Variants in TIMP2 observed in about 807,000 individuals in gnomAD.
The protein encoded by TIMP2 is metalloproteinase inhibitor 2.
A neutral mutation model predicts 24.3 loss-of-function variants in TIMP2; 5 were observed. The ratio of observed to expected loss-of-function variants is 0.21; its 90% CI spans 0.11 to 0.43. TIMP2 has a LOEUF of 0.43. Ranked by LOEUF, TIMP2 falls within the 20% of genes least tolerant of loss-of-function variation. The pLI, the probability that TIMP2 is intolerant of heterozygous loss-of-function variation, is 1.00. For synonymous variants in TIMP2, 130 were observed against 123.2 expected (o/e 1.06, Z -0.37); for missense variants, 221 against 297.5 (o/e 0.74, Z 1.89).
chr17:78,874,581 G>T (rs551877653), intron 1 of TIMP2, among the ~76,000 whole-genome samples: 2 of 152,066 alleles, frequency 1.3e-5, no homozygotes, highest in African/African-American at 2.4e-5. Flanking sequence ...AGTAATTTTT[G>T]TTGTTGTTGT....
chr17:78,867,547 T>C (rs2069627650), intron 3 of TIMP2, among the ~76,000 whole-genome samples: 2 of 151,754 alleles, frequency 1.3e-5, no homozygotes, highest in African/African-American at 4.8e-5. Flanking sequence ...GCAGCAAGTC[T>C]GTCTAGACCC....
Position 78,857,624 on chromosome 17 carries a change from C to G in TIMP2, c.363G>C (p.Lys121Asn). The G allele has an allele frequency of 1.2e-6, 2 of 1,614,208 alleles. No homozygotes were observed. Among genetic ancestry groups the G allele is most frequent in the Non-Finnish European group, 1.7e-6 (2 of 1,180,036 alleles). Residue 121 changes from lysine (K) to asparagine (N), a missense_variant, in exon 4 of 5, where the codon AAG becomes AAC. By Grantham distance (94) the Lys-to-Asn change is moderately conservative. Coordinates refer to ENST00000262768, the MANE Select transcript of TIMP2 (RefSeq NM_003255.5). ...TGAAGTCACAGAGGGTGATGTGCAT[C>G]TTGCCGTCCCCCTCGGCCTTTCCTG... ...LIAGKAEGDG[K>N]MHITLCDFIV...
At chr17:78,899,618 T>TGG (rs2070058581) in intron 1 of TIMP2, 1 of 152,178 alleles carries the variant, frequency 6.6e-6, no homozygotes, top group Non-Finnish European at 1.5e-5. Flanking sequence ...CTGGCTCCCC[T>TGG]GGGAGCCACC....
chr17:78,912,010 G>A (rs1568007658), intron 1 of TIMP2, among the ~76,000 whole-genome samples: 3 of 151,460 alleles, frequency 2.0e-5, no homozygotes, highest in Non-Finnish European at 4.4e-5. Flanking sequence ...GATGCAGTGA[G>A]CCAAGATTGT....
intron 1 of TIMP2, among the ~76,000 whole-genome samples, chr17:78,880,468 C>T (rs963995572): frequency 1.3e-5 from 2 of 152,068 alleles, no homozygotes; most frequent in African/African-American, 4.8e-5. Flanking sequence ...GGATGGGTTG[C>T]TTGAAGCTAG....
rs1302501313 is a variant in TIMP2 at position 78,920,571 on chromosome 17, C to G, written c.130+4388G>C. 6.6e-6 allele frequency among the ~76,000 whole-genome samples: 1 copy of G among 152,198 alleles called. No individual in the cohort carries two copies. Among genetic ancestry groups the G allele is most frequent in the African/African-American group, 2.4e-5 (1 of 41,456 alleles). On this transcript the variant is annotated intron_variant, in intron 1 of 4. Transcript: ENST00000262768. This position sits in a 1 kb window ranked among gnomAD's most constrained non-coding sequence, Gnocchi z 4.5. ...GACTCCCCTGACAGATCCTGTCCCTCCAAGGACGCTGTTCAAAACCAAGCC... is the reference window on the plus strand; with the variant it reads ...GACTCCCCTGACAGATCCTGTCCCTGCAAGGACGCTGTTCAAAACCAAGCC...
At chr17:78,887,446 A>T (rs1465143691) in intron 1 of TIMP2, among the ~76,000 whole-genome samples, 1 of 152,080 alleles carries the variant, frequency 6.6e-6, no homozygotes, top group Non-Finnish European at 1.5e-5. Flanking sequence ...GTGCAGTGGC[A>T]TGATCTCAGC....
chr17:78,857,650 C>T lies in TIMP2; in HGVS notation c.341-4G>A, dbSNP rs753918073. On this transcript the variant is annotated splice_region_variant and splice_polypyrimidine_tract_variant and intron_variant, in intron 3 of 4. Transcript: ENST00000262768. ...TTGCCGTCCCCCTCGGCCTTTCCTG[C>T]GGAGAGACGGGGATCACCGAGCTCA... is the stretch of plus-strand genomic sequence containing the variant. 3.5e-5 allele frequency: 57 copies of T among 1,613,990 alleles called. No individual in the cohort carries two copies. The highest frequency in any genetic ancestry group is 6.7e-5 in the East Asian group (3 of 44,888).
rs1428757661 is a variant in TIMP2, at chr17:78,893,580, GGT to G, written c.131-19663_131-19662del. ...ATCTGTGTGTACAGGGGGGTGTACA[GGT>G]GTGTGTATGTATGCATGTCTGTGTG... On this transcript the variant is annotated intron_variant, in intron 1 of 4. Coordinates refer to ENST00000262768, the MANE Select transcript of TIMP2 (RefSeq NM_003255.5). 2.6e-5 allele frequency among the ~76,000 whole-genome samples: 4 copies of G among 152,022 alleles called. No individual in the cohort carries two copies. The East Asian group carries it at 7.8e-4, about 29-fold the overall frequency.
At chr17:78,860,062 G>C (rs578008140) in intron 3 of TIMP2, among the ~76,000 whole-genome samples, 2 of 152,216 alleles carry the variant, frequency 1.3e-5, no homozygotes, top group Non-Finnish European at 2.9e-5. Context: ...TGTAGTCCCA[G>C]CTACTCAGGA....
intron 2 of TIMP2, among the ~76,000 whole-genome samples, 198 bp from the exon 3 acceptor site, chr17:78,871,204 C>A (rs1026027381): frequency 6.6e-6 from 1 of 152,134 alleles, no homozygotes; most frequent in African/African-American, 2.4e-5. Flanking sequence ...GTAGTCCCAG[C>A]ACTTTGGGAG....
intron 1 of TIMP2, among the ~76,000 whole-genome samples, chr17:78,878,722 A>G (rs2069751963): frequency 6.8e-6 from 1 of 146,386 alleles, no homozygotes; most frequent in African/African-American, 2.6e-5. Flanking sequence ...CCTGCAGGGA[A>G]GTGGGGGTGA....
At chr17:78,894,672 G>A (rs1599163920) in intron 1 of TIMP2, among the ~76,000 whole-genome samples, 1 of 152,222 alleles carries the variant, frequency 6.6e-6, no homozygotes. Flanking sequence ...ATGGATCATA[G>A]ACCTTCATCT....
At chr17:78,901,874 A>AGGGCT (rs1319773493) in intron 1 of TIMP2, 2 of 678,896 alleles carry the variant, frequency 2.9e-6, no homozygotes, top group East Asian at 5.5e-5. Flanking sequence ...CACTGTCTCC[A>AGGGCT]GGGCTGTCTT....
intron 1 of TIMP2, among the ~76,000 whole-genome samples, chr17:78,915,493 C>T (rs2070248554): frequency 6.7e-6 from 1 of 150,238 alleles, no homozygotes; most frequent in African/African-American, 2.5e-5. Flanking sequence ...GATGTACCTC[C>T]TTTTAAAAGC....
At chr17:78,911,526 C>G (rs1045020902) in intron 1 of TIMP2, among the ~76,000 whole-genome samples, 14 of 152,100 alleles carry the variant, frequency 9.2e-5, no homozygotes, top group Admixed American at 8.5e-4. Context: ...CGCCTGGGTT[C>G]AAGTGATTCT....
intron 1 of TIMP2, among the ~76,000 whole-genome samples, chr17:78,887,265 T>C (rs935622921): frequency 6.6e-6 from 1 of 152,166 alleles, no homozygotes; most frequent in African/African-American, 2.4e-5. Context: ...ACAGCCATAG[T>C]TCCAGCTTTT....
At chr17:78,897,024 T>C in intron 1 of TIMP2, 2 of 985,122 alleles carry the variant, frequency 2.0e-6, no homozygotes, top group South Asian at 9.4e-5. Flanking sequence ...AGACAGCTTT[T>C]CAGCCAAGGC....
intron 1 of TIMP2, among the ~76,000 whole-genome samples, chr17:78,909,057 C>T (rs1947898096): frequency 6.6e-6 from 1 of 152,142 alleles, no homozygotes; most frequent in African/African-American, 2.4e-5. Flanking sequence ...TGCCCCAAAA[C>T]AGTAGGTAGG....
Sources: allele counts gnomAD v4.1 joint callset (sites outside exome capture counted in the v4.1 genomes callset), GRCh38; gene constraint gnomAD v4.1.1; non-coding constraint Gnocchi (gnomAD v3.1); transcripts MANE v1.5; gene names NCBI Gene and HGNC (gene_info 2026-07-23, HGNC 2026-07-21).